Variants in VWA5A observed in about 807,000 individuals in gnomAD.
VWA5A encodes von Willebrand factor A domain containing 5A.
Under a neutral mutation model 84.6 loss-of-function variants are expected in VWA5A, and 77 were observed. The ratio of observed to expected loss-of-function variants is 0.91; its 90% CI spans 0.76 to 1.10. The LOEUF (loss-of-function observed/expected upper bound fraction) is 1.10, where lower values mean the gene tolerates loss of function less well. VWA5A is among the 50% of genes least tolerant of loss of function. The pLI, the probability that VWA5A is intolerant of heterozygous loss-of-function variation, is 0.00. For missense variants in VWA5A, 973 were observed against 963.0 expected (o/e 1.01, Z -0.14); for synonymous variants, 334 against 350.1 (o/e 0.95, Z 0.51).
intron 11 of VWA5A, among the ~76,000 whole-genome samples, chr11:124,130,858 C>T (rs1865086305): frequency 1.3e-5 from 2 of 151,998 alleles, no homozygotes; most frequent in African/African-American, 2.4e-5. Context: ...TACTATTGGG[C>T]TGTTATTTAT....
intron 11 of VWA5A, among the ~76,000 whole-genome samples, chr11:124,131,998 T>G (rs1252567839): frequency 6.6e-6 from 1 of 152,016 alleles, no homozygotes; most frequent in African/African-American, 2.4e-5. Flanking sequence ...AAATTCCCTT[T>G]TATTTCTGTT....
chr11:124,132,027 CTTTT>C (rs1865104977), intron 11 of VWA5A, among the ~76,000 whole-genome samples: 1 of 151,760 alleles, frequency 6.6e-6, no homozygotes, highest in African/African-American at 2.4e-5. Flanking sequence ...TCTTTTCTCT[CTTTT>C]CTTTCTTTTG....
In VWA5A at chr11:124,117,482, A is replaced by T; in HGVS notation, c.-15-15A>T. The T allele has an allele frequency of 2.5e-6, 4 of 1,613,594 alleles. No homozygotes were observed. The highest frequency in any genetic ancestry group is 3.4e-6 in the Non-Finnish European group (4 of 1,179,526). On this transcript the variant is annotated splice_polypyrimidine_tract_variant and intron_variant, in intron 2 of 18. Coordinates refer to ENST00000456829, the MANE Select transcript of VWA5A (RefSeq NM_001130142.2). ...TTCCAACATGTCCTCTGTTTGTGAT[A>T]TGTCTTTTCTGCAGAAATCTTGCAT...
In VWA5A at chr11:124,123,061, C is replaced by A; in HGVS notation, c.862C>A (p.Arg288Ser). 1 of 1,614,092 alleles carries A rather than the reference C, an allele frequency of 6.2e-7. No homozygotes were observed. The highest frequency in any genetic ancestry group is 8.5e-7 in the Non-Finnish European group (1 of 1,180,030). ...TGGAGAGTTTATCTTTCTCATGGAC[C>A]GCTCGGGAAGTATGCAGAGCCCCAT... ...TCGEFIFLMD[R>S]SGSMQSPMSS... Residue 288 changes from arginine to serine, a missense_variant, in exon 8 of 19, where the codon CGC becomes AGC. Coordinates refer to ENST00000456829, the MANE Select transcript of VWA5A (RefSeq NM_001130142.2).
At chr11:124,119,120 C>G (rs1565614450) in intron 7 of VWA5A, 31 bp downstream of exon 7, 1 of 1,579,094 alleles carries the variant, frequency 6.3e-7, no homozygotes, top group Non-Finnish European at 8.7e-7. Context: ...TAGTCATCCC[C>G]TAAGGGGCAA....
chr11:124,136,778 CTCCT>C (rs1565620884), intron 14 of VWA5A, 104 bp downstream of exon 14: 6 of 745,728 alleles, frequency 8.0e-6, no homozygotes, highest in Admixed American at 2.5e-5. Context: ...CCCTCCCTCC[CTCCT>C]TCCTTCCTTC....
At chr11:124,140,247 C>A (rs1860700432) in intron 15 of VWA5A, among the ~76,000 whole-genome samples, 1 of 151,960 alleles carries the variant, frequency 6.6e-6, no homozygotes, top group Admixed American at 6.5e-5. Flanking sequence ...TGTAACTTTA[C>A]TTTTGTTGTT....
At chr11:124,136,875 T>C in intron 14 of VWA5A, 140 bp from the exon 15 acceptor site, 1 of 1,280,538 alleles carries the variant, frequency 7.8e-7, no homozygotes, top group South Asian at 1.5e-5. Context: ...TCATTTTTTA[T>C]TTCTAAACCA....
At chr11:124,135,262 C>T (rs1865157487) in intron 12 of VWA5A, among the ~76,000 whole-genome samples, 1 of 152,212 alleles carries the variant, frequency 6.6e-6, no homozygotes, top group African/African-American at 2.4e-5. Flanking sequence ...TAGCTGCAAG[C>T]TCAGAGACAA....
intron 16 of VWA5A, 86 bp downstream of exon 16, chr11:124,141,827 G>A: frequency 6.6e-7 from 1 of 1,509,292 alleles, no homozygotes; most frequent in Non-Finnish European, 8.9e-7. Context: ...TGTAGTTACA[G>A]CTATGACAAG....
chr11:124,123,617 G>A lies in VWA5A; in HGVS notation c.1020-43G>A, dbSNP rs534909541. ...ATTCAGGGACTCTATACTGGGCAAG[G>A]TTAAGTAACCCTCATGTAACTGGGT... On this transcript the variant is annotated intron_variant, in intron 9 of 18. Coordinates refer to ENST00000456829, the MANE Select transcript of VWA5A (RefSeq NM_001130142.2). 1.2e-5 allele frequency: 19 copies of A among 1,613,990 alleles called. No individual in the cohort carries two copies. In the East Asian group the frequency reaches 2.5e-4, roughly 21 times the overall value.
At chr11:124,134,876 CTGTTTAA>C (rs1865149772) in intron 11 of VWA5A, 37 bp from the exon 12 acceptor site, 1 of 1,453,522 alleles carries the variant, frequency 6.9e-7, no homozygotes, top group African/African-American at 1.4e-5. Context: ...TATATTTTCA[CTGTTTAA>C]TGCCTTCCTC....
Position 124,134,935 on chromosome 11 carries a change from T to C in VWA5A, c.1260T>C (p.Gly420=), listed in dbSNP as rs1865150917. 6.2e-7 allele frequency: 1 copy of C among 1,613,170 alleles called. No individual in the cohort carries two copies. The highest frequency in any genetic ancestry group is 8.5e-7 in the Non-Finnish European group (1 of 1,179,608). ...NRQKHRCFSF[G]IGEGTSTSLI... is the part of the protein sequence containing the mutation. The stretch of plus-strand genomic sequence containing the variant: ...ACAATTGCAGGTGTTTCTCATTTGG[T>C]ATTGGAGAAGGCACCTCCACCAGCC... The change falls in exon 12 of 19, where the codon GGT becomes GGC. Residue 420 remains glycine, a synonymous_variant. Transcript: ENST00000456829.
At chr11:124,118,855 C>A in intron 6 of VWA5A, 120 bp from the exon 7 acceptor site, 1 of 1,339,734 alleles carries the variant, frequency 7.5e-7, no homozygotes. Flanking sequence ...AGCCTTCTCT[C>A]CAGCCTCACC....
In VWA5A at chr11:124,122,960, G is replaced by A. The variant is rs200246111; in HGVS notation, c.761G>A (p.Gly254Asp). 18 of 1,612,712 alleles carry A rather than the reference G, an allele frequency of 1.1e-5. No individual in the cohort carries two copies. Among genetic ancestry groups the A allele is most frequent in the Non-Finnish European group, 1.2e-5 (14 of 1,179,690 alleles). ...LEMGMPNMKPGHLMGDPSAMV... is the reference protein window; with the variant it reads ...LEMGMPNMKPDHLMGDPSAMV... Reference sequence around the variant, plus strand: ...CAGTGGCTTTATCCTTTCTGAACAGGTCATTTGATGGGAGATCCATCTGCA... The same window carrying A: ...CAGTGGCTTTATCCTTTCTGAACAGATCATTTGATGGGAGATCCATCTGCA... The change falls in exon 8 of 19, where the codon GGT becomes GAT. Residue 254 changes from glycine to aspartate, a missense_variant and splice_region_variant. Transcript: ENST00000456829.
chr11:124,143,116 C>T (rs1311011127), intron 17 of VWA5A, among the ~76,000 whole-genome samples: 1 of 152,192 alleles, frequency 6.6e-6, no homozygotes, highest in African/African-American at 2.4e-5. Flanking sequence ...CTCATTATTG[C>T]TCCTCTTCAT....
Position 124,118,989 on chromosome 11 carries a change from T to C in VWA5A, c.660T>C (p.Ala220=), listed in dbSNP as rs754533601. The C allele has an allele frequency of 1.2e-6, 2 of 1,614,166 alleles. No homozygotes were observed. Among genetic ancestry groups the C allele is most frequent in the South Asian group, 2.2e-5 (2 of 91,056 alleles). ...CCTCCACTCAGGTTTCCCTGGCTGC[T>C]GGACACAAGTTTGATCGGGACGTGG... ...DKTSAQVSLA[A]GHKFDRDVEL... is the part of the protein sequence containing the mutation. The change falls in exon 7 of 19, where the codon GCT becomes GCC. Residue 220 remains alanine (A), a synonymous_variant. Transcript: ENST00000456829.
chr11:124,136,415 C>A, intron 13 of VWA5A, 122 bp downstream of exon 13: 1 of 1,459,242 alleles, frequency 6.9e-7, no homozygotes, highest in East Asian at 2.3e-5. Flanking sequence ...AGCTAGCCTA[C>A]TTCCTTCCCA....
At chr11:124,141,259 G>A (rs933317440) in intron 15 of VWA5A, among the ~76,000 whole-genome samples, 7 of 152,178 alleles carry the variant, frequency 4.6e-5, no homozygotes, top group Admixed American at 3.3e-4. Context: ...GTGGTACATT[G>A]AGCAACAACC....
Sources: allele counts gnomAD v4.1 joint callset (sites outside exome capture counted in the v4.1 genomes callset), GRCh38; gene constraint gnomAD v4.1.1; transcripts MANE v1.5; gene names NCBI Gene and HGNC (gene_info 2026-07-23, HGNC 2026-07-21).